Variants in BAZ2A observed in about 807,000 individuals in gnomAD.
BAZ2A encodes bromodomain adjacent to zinc finger domain protein 2A.
BAZ2A carries 34 observed loss-of-function variants against 199.9 expected under a neutral mutation model. That is an observed-to-expected ratio of 0.17 (90% CI 0.13 to 0.23). The LOEUF (loss-of-function observed/expected upper bound fraction) is 0.23, where lower values mean the gene tolerates loss of function less well. Among genes scored for constraint, BAZ2A ranks in the 10% least tolerant of loss-of-function variants. BAZ2A has a pLI of 1.00. For synonymous variants in BAZ2A, 857 were observed against 883.9 expected (o/e 0.97, Z 0.54); for missense variants, 2,002 against 2,391.1 (o/e 0.84, Z 3.39).
Position 56,604,277 on chromosome 12 carries a change from G to A in BAZ2A, c.2978C>T (p.Thr993Ile). The change falls in exon 16 of 29, where the codon ACT becomes ATT. Residue 993 changes from threonine to isoleucine, a missense_variant. Thr to Ile is a moderately conservative substitution (Grantham distance 89). Coordinates refer to ENST00000549884, the MANE Select transcript of BAZ2A (RefSeq NM_001300905.2). ...STLIINEIDK[T>I]LESMSSYRKN... ...CCTGTAGCTGGACATACTCTCCAGA[G>A]TCTTGTCAATCTCACTGCAGGGGAA... 1.9e-6 allele frequency: 3 copies of A among 1,608,490 alleles called. No homozygotes were observed. The highest frequency in any genetic ancestry group is 1.7e-5 in the Admixed American group (1 of 59,214).
chr12:56,638,303 G>C, upstream of BAZ2A: 2 of 1,603,978 alleles, frequency 1.2e-6, no homozygotes, highest in Non-Finnish European at 1.7e-6. Context: ...GAGAGAGACA[G>C]TACAGAGGAC....
intron 1 of BAZ2A, among the ~76,000 whole-genome samples, chr12:56,619,610 C>A (rs1189909726): frequency 6.6e-6 from 1 of 151,716 alleles, no homozygotes; most frequent in Non-Finnish European, 1.5e-5. Context: ...AAATTAGACA[C>A]CATTAGTATA....
Position 56,609,812 on chromosome 12 carries a change from AC to A in BAZ2A, c.2015del (p.Gly672ValfsTer12). 6.2e-7 allele frequency: 1 copy of A among 1,613,732 alleles called. No individual in the cohort carries two copies. The highest frequency in any genetic ancestry group is 8.5e-7 in the Non-Finnish European group (1 of 1,179,818). On this transcript the variant is annotated frameshift_variant, in exon 10 of 29. Coordinates refer to ENST00000549884, the MANE Select transcript of BAZ2A (RefSeq NM_001300905.2). LOFTEE classifies it high-confidence loss of function. The stretch of plus-strand genomic sequence containing the variant: ...CAGTGATTTTGACCTTAGGTGGCCG[AC>A]CTCGACCCCGTTTCACCTTGGGGAC... Reference protein sequence around the residue: ...KEVPKVKRGRGRPPKVKITEL... With the variant: ...KEVPKVKRGRXRPPKVKITEL...
At chr12:56,606,435 ATG>A (rs1950358445) in intron 11 of BAZ2A, 123 bp from the exon 12 acceptor site, 1 of 1,266,728 alleles carries the variant, frequency 7.9e-7, no homozygotes, top group Middle Eastern at 1.9e-4. Context: ...GGGGTTGGCA[ATG>A]GATTAATTCT....
rs1393222336 is a variant in BAZ2A, at chr12:56,601,182, G to C, written c.4292C>G (p.Pro1431Arg). Residue 1431 changes from proline to arginine, a missense_variant and splice_region_variant, in exon 21 of 29, where the codon CCT becomes CGT. Physicochemically the swap from Pro to Arg is moderately radical, Grantham distance 103 (BLOSUM62 -2). This residue lies in a region of BAZ2A where 1,081 missense variants were observed against 1,274.7 expected (regional missense o/e 0.85). Transcript: ENST00000549884. The stretch of plus-strand genomic sequence containing the variant: ...GCCCTCACTCCAAGGTCACTCACCA[G>C]GTGGGACAGGCTGGGCTGTCAGCTG... ...LTQLTAQPVP[P>R]EMCSGWWWIR... The C allele has an allele frequency of 6.2e-7, 1 of 1,613,960 alleles. No homozygotes were observed. The highest frequency in any genetic ancestry group is 2.2e-5 in the East Asian group (1 of 44,900).
chr12:56,618,504 A>T (rs1052784431), intron 1 of BAZ2A, among the ~76,000 whole-genome samples: 4 of 152,126 alleles, frequency 2.6e-5, no homozygotes, highest in Non-Finnish European at 5.9e-5. Flanking sequence ...AAACTCTAAC[A>T]TATCAATCGG....
intron 5 of BAZ2A, 37 bp downstream of exon 5, chr12:56,612,978 G>A (rs1380215323): frequency 6.4e-7 from 1 of 1,565,800 alleles, no homozygotes; most frequent in Non-Finnish European, 8.8e-7. Context: ...CTTTTCTCAG[G>A]TAAAGGTCTT....
intron 23 of BAZ2A, 89 bp downstream of exon 23, chr12:56,600,592 T>C: frequency 6.4e-7 from 1 of 1,570,866 alleles, no homozygotes; most frequent in Non-Finnish European, 8.6e-7. Flanking sequence ...AGGTCACCTG[T>C]GAAGTAGGGA....
chr12:56,599,409 G>A (rs1354325234), intron 26 of BAZ2A, 51 bp from the exon 27 acceptor site: 4 of 1,551,780 alleles, frequency 2.6e-6, no homozygotes, highest in Non-Finnish European at 3.5e-6. Context: ...TGCACTGCTT[G>A]CCCTACTACA....
At chr12:56,618,793 C>T (rs1592605539) in intron 1 of BAZ2A, among the ~76,000 whole-genome samples, 1 of 151,934 alleles carries the variant, frequency 6.6e-6, no homozygotes, top group Admixed American at 6.6e-5. Flanking sequence ...TCGCTTGAAC[C>T]CGCAAGGCAG....
At chr12:56,612,922 A>G in intron 5 of BAZ2A, 93 bp downstream of exon 5, 1 of 1,395,568 alleles carries the variant, frequency 7.2e-7, no homozygotes, top group East Asian at 2.5e-5. Flanking sequence ...GCGCCCAGCC[A>G]GATTTCCCAC....
rs765079200 is a variant in BAZ2A, at chr12:56,613,242, A to C, written c.917-9T>G. The C allele has an allele frequency of 6.2e-7, 1 of 1,611,950 alleles. No individual in the cohort carries two copies. Among genetic ancestry groups the C allele is most frequent in the Non-Finnish European group, 8.5e-7 (1 of 1,178,082 alleles). The stretch of plus-strand genomic sequence containing the variant: ...TCCTCCACTCACTGGCTCTGTTTAC[A>C]AGGGTAGAAAAATCAGAGCAGGATA... On this transcript the variant is annotated splice_polypyrimidine_tract_variant and intron_variant, in intron 4 of 28. Transcript: ENST00000549884.
chr12:56,629,274 A>C (rs1951212578), intron 1 of BAZ2A, among the ~76,000 whole-genome samples: 1 of 152,112 alleles, frequency 6.6e-6, no homozygotes, highest in Non-Finnish European at 1.5e-5. Context: ...AAAGCAGACA[A>C]ATCTCTCACT....
At chr12:56,608,872 T>A (rs1371631171) in intron 10 of BAZ2A, among the ~76,000 whole-genome samples, 1 of 135,336 alleles carries the variant, frequency 7.4e-6, no homozygotes, top group Non-Finnish European at 1.6e-5. Context: ...CCTGGCTTTT[T>A]TTTTTTTTTT....
intron 6 of BAZ2A, 47 bp from the exon 7 acceptor site, chr12:56,611,680 AAAC>A (rs1183163554): frequency 2.6e-6 from 4 of 1,565,982 alleles, no homozygotes; most frequent in East Asian, 2.2e-5. Context: ...CAAAATATTT[AAAC>A]AATAGGCCAA....
chr12:56,609,630 GATA>G, intron 10 of BAZ2A, 103 bp downstream of exon 10: 1 of 1,222,568 alleles, frequency 8.2e-7, no homozygotes. Context: ...ATTCTTCCCA[GATA>G]ATGTTAGTTA....
intron 18 of BAZ2A, 123 bp from the exon 19 acceptor site, chr12:56,602,980 G>C (rs1950227373): frequency 2.5e-6 from 3 of 1,182,236 alleles, no homozygotes. Context: ...TGCCATCTGG[G>C]CCTAATTCAG....
At chr12:56,614,255 G>T in intron 3 of BAZ2A, 117 bp from the exon 4 acceptor site, 1 of 1,093,824 alleles carries the variant, frequency 9.1e-7, no homozygotes, top group Non-Finnish European at 1.3e-6. Flanking sequence ...CATTTATTGC[G>T]GCCAGTTCAT....
At chr12:56,608,230 G>A (rs991334667) in intron 10 of BAZ2A, among the ~76,000 whole-genome samples, 1 of 152,064 alleles carries the variant, frequency 6.6e-6, no homozygotes, top group African/African-American at 2.4e-5. Context: ...AAATTAGCCA[G>A]GTGTGGTGGC....
Sources: allele counts gnomAD v4.1 joint callset (sites outside exome capture counted in the v4.1 genomes callset), GRCh38; gene constraint gnomAD v4.1.1; regional missense constraint gnomAD v4.1.1; transcripts MANE v1.5; gene names NCBI Gene and HGNC (gene_info 2026-07-23, HGNC 2026-07-21).